The following GNAI2 variants were observed in gnomAD, a reference collection of about 807,000 sequenced individuals.
The protein encoded by GNAI2 is G protein subunit alpha i2.
GNAI2 carries 4 observed loss-of-function variants against 36.8 expected under a neutral mutation model. The ratio of observed to expected loss-of-function variants is 0.11; its 90% CI spans 0.05 to 0.25. GNAI2 has a LOEUF of 0.25. Among genes scored for constraint, GNAI2 ranks in the 10% least tolerant of loss-of-function variants. The pLI is 1.00. For synonymous variants in GNAI2, 194 were observed against 194.1 expected (o/e 1.00, Z 0.01); for missense variants, 230 against 481.3 (o/e 0.48, Z 4.89).
Position 50,255,040 on chromosome 3 carries a change from G to A in GNAI2, c.465-1152G>A, listed in dbSNP as rs745380227. ...ATTGAGGACTCTGGCAGTAGGGGGC[G>A]GGGCATGGTATGCGGGTCACAGCAC... On this transcript the variant is annotated intron_variant, in intron 4 of 8. Coordinates refer to ENST00000313601, the MANE Select transcript of GNAI2 (RefSeq NM_002070.4). This position sits in a 1 kb window ranked among gnomAD's most constrained non-coding sequence, Gnocchi z 4.0. Among the ~76,000 whole-genome samples, 80 of 152,302 alleles carry A rather than the reference G, an allele frequency of 5.3e-4. No individual in the cohort carries two copies. The highest frequency in any genetic ancestry group is 1.0e-3 in the Non-Finnish European group (69 of 68,022).
intron 4 of GNAI2, among the ~76,000 whole-genome samples, chr3:50,254,956 G>A (rs996591025): frequency 6.6e-6 from 1 of 152,194 alleles, no homozygotes; most frequent in Non-Finnish European, 1.5e-5. Context: ...TCCCTGGGGC[G>A]AACCCACCTG....
chr3:50,235,857 C>T (rs1387696018), upstream of GNAI2: 1 of 152,332 alleles, frequency 6.6e-6, no homozygotes, highest in African/African-American at 2.4e-5. Context: ...GGATCCCCAC[C>T]CTCGGGTTAA....
chr3:50,233,755 G>T (rs1031909610), upstream of GNAI2, among the ~76,000 whole-genome samples: 8 of 152,142 alleles, frequency 5.3e-5, no homozygotes, highest in Non-Finnish European at 2.9e-5. Flanking sequence ...CAGGAGGGGG[G>T]CCTGAGGGAG....
Position 50,252,501 on chromosome 3 carries a change from G to A in GNAI2, c.266G>A (p.Gly89Asp), listed in dbSNP as rs782355546. The change falls in exon 3 of 9, where the codon GGC becomes GAC. Residue 89 changes from glycine (G) to aspartate (D), a missense_variant. Gly to Asp is a moderately conservative substitution (Grantham distance 94). This residue lies in a region of GNAI2 where 132 missense variants were observed against 247.4 expected (regional missense o/e 0.53). Transcript: ENST00000313601. The surrounding 1 kb of genome is among the most constrained non-coding windows in gnomAD (Gnocchi z 4.1). ...ATCATGGCCATTGTCAAAGCCATGGGCAACCTGCAGATCGACTTTGCCGAC... is the reference window on the plus strand; with the variant it reads ...ATCATGGCCATTGTCAAAGCCATGGACAACCTGCAGATCGACTTTGCCGAC... Reference protein sequence around the residue: ...QSIMAIVKAMGNLQIDFADPS... With the variant: ...QSIMAIVKAMDNLQIDFADPS... The A allele has an allele frequency of 5.6e-6, 9 of 1,613,214 alleles. No individual in the cohort carries two copies. In the African/African-American group the frequency reaches 1.1e-4, roughly 19 times the overall value.
chr3:50,257,362 C>A, intron 7 of GNAI2, 138 bp from the exon 8 acceptor site: 2 of 654,584 alleles, frequency 3.1e-6, no homozygotes, highest in Non-Finnish European at 5.3e-6. Context: ...TATGGGCAGC[C>A]ACAAACATTG....
Position 50,252,658 on chromosome 3 carries a change from G to A in GNAI2, c.303+120G>A. On this transcript the variant is annotated intron_variant, in intron 3 of 8. Transcript: ENST00000313601. This position sits in a 1 kb window ranked among gnomAD's most constrained non-coding sequence, Gnocchi z 4.1. ...ACGCCGAGGCGGGTGGATCACCTGA[G>A]GTCAGGACCAGCCTGGCCAACTTGG... 1 of 833,436 alleles carries A rather than the reference G, an allele frequency of 1.2e-6. No homozygotes were observed. Among genetic ancestry groups the A allele is most frequent in the Non-Finnish European group, 1.9e-6 (1 of 527,902 alleles). The allele number at this position is 833,436 out of a possible 1,614,324, so 51.6% of individuals were successfully genotyped here. A position where few individuals can be genotyped will look rare whatever the true frequency, so the allele number is the denominator to read the frequency against.
At chr3:50,251,220 C>A in intron 1 of GNAI2, 1 of 296,450 alleles carries the variant, frequency 3.4e-6, no homozygotes, top group Non-Finnish European at 5.0e-6. Context: ...ACCCTCTTGC[C>A]CTTCTGAGTC....
chr3:50,247,711 C>A (rs587619637), intron 1 of GNAI2, among the ~76,000 whole-genome samples: 48 of 152,384 alleles, frequency 3.1e-4, no homozygotes, highest in African/African-American at 1.1e-3. Context: ...TACTGCCTAC[C>A]TGCTGTGGGC....
chr3:50,233,536 T>C (rs1700105466), upstream of GNAI2, among the ~76,000 whole-genome samples: 1 of 152,180 alleles, frequency 6.6e-6, no homozygotes, highest in Non-Finnish European at 1.5e-5. Flanking sequence ...CGTGGACAGA[T>C]TGTATTCTTG....
At position 50,257,698 on chromosome 3, in the gene GNAI2, C is replaced by T. The variant is rs781840587; in HGVS notation, c.*8C>T. On this transcript the variant is annotated 3_prime_UTR_variant, in exon 8 of 9. Transcript: ENST00000313601. ...GACTGCGGCCTCTTCTGAGGGGCAG[C>T]GGGGCCTGGCGGGATGGTGAGCCAG... 9.0e-6 allele frequency: 12 copies of T among 1,339,650 alleles called. No individual in the cohort carries two copies. The highest frequency in any genetic ancestry group is 3.1e-5 in the African/African-American group (2 of 64,752). The allele number at this position is 1,339,650 out of a possible 1,614,324, so 83.0% of individuals were successfully genotyped here. A position where few individuals can be genotyped will look rare whatever the true frequency, so the allele number is the denominator to read the frequency against.
At chr3:50,256,399 TC>T in intron 5 of GNAI2, 79 bp downstream of exon 5, 1 of 1,356,828 alleles carries the variant, frequency 7.4e-7, no homozygotes. Flanking sequence ...TGGTCCAGGA[TC>T]CCCCAGCCCC....
At chr3:50,256,446 G>A in intron 5 of GNAI2, 126 bp downstream of exon 5, 1 of 898,018 alleles carries the variant, frequency 1.1e-6, no homozygotes, top group Non-Finnish European at 1.8e-6. Flanking sequence ...TTCTGGGCAA[G>A]CACATCCTCA....
At position 50,236,206 on chromosome 3, in the gene GNAI2, T is replaced by G; in HGVS notation, c.-130T>G. 1 of 1,180,350 alleles carries G rather than the reference T, an allele frequency of 8.5e-7. No homozygotes were observed. Among genetic ancestry groups the G allele is most frequent in the Non-Finnish European group, 1.0e-6 (1 of 955,564 alleles). The allele number at this position is 1,180,350 out of a possible 1,614,324, so 73.1% of individuals were successfully genotyped here. A position where few individuals can be genotyped will look rare whatever the true frequency, so the allele number is the denominator to read the frequency against. On this transcript the variant is annotated 5_prime_UTR_variant, in exon 1 of 9. Transcript: ENST00000313601. The surrounding 1 kb of genome is among the most constrained non-coding windows in gnomAD (Gnocchi z 4.0). ...GCGGTAGGGAAGGCGCCTCCCGCAG[T>G]CGCTCGGAACTGCCGACCCGAGTGC...
upstream of GNAI2, chr3:50,227,323 G>A: frequency 2.2e-6 from 1 of 460,558 alleles, no homozygotes; most frequent in East Asian, 3.5e-5. The surrounding 1 kb of genome is among the most constrained non-coding windows in gnomAD (Gnocchi z 5.9). Context: ...GCGGAGACCG[G>A]GCCTCGACGG....
upstream of GNAI2, chr3:50,229,687 C>T (rs1700040870): frequency 1.3e-5 from 2 of 152,422 alleles, no homozygotes; most frequent in African/African-American, 4.8e-5. Context: ...CCTCTGTCGT[C>T]ACTCTCTTCT....
intron 5 of GNAI2, 54 bp from the exon 6 acceptor site, chr3:50,256,669 T>C (rs2109219794): frequency 6.3e-7 from 1 of 1,592,590 alleles, no homozygotes; most frequent in Non-Finnish European, 8.6e-7. Context: ...AGAAATGGGG[T>C]AGAAAGCCTC....
At position 50,242,917 on chromosome 3, in the gene GNAI2, CG is replaced by C. The variant is rs1207568921; in HGVS notation, c.118+6467del. 6.6e-6 allele frequency among the ~76,000 whole-genome samples: 1 copy of C among 152,064 alleles called. No individual in the cohort carries two copies. Among genetic ancestry groups the C allele is most frequent in the Non-Finnish European group, 1.5e-5 (1 of 68,014 alleles). On this transcript the variant is annotated intron_variant, in intron 1 of 8. Coordinates refer to ENST00000313601, the MANE Select transcript of GNAI2 (RefSeq NM_002070.4). This position sits in a 1 kb window ranked among gnomAD's most constrained non-coding sequence, Gnocchi z 4.8. Reference sequence around the variant, plus strand: ...CAGCACCTACTGTGTGTGCCCCCGGCGGGAGGAGGAGGTAATGAAGTCTGCA... The same window carrying C: ...CAGCACCTACTGTGTGTGCCCCCGGCGGAGGAGGAGGTAATGAAGTCTGCA...
rs1291348409 is a variant in GNAI2, at chr3:50,253,625, TC to T, written c.464+444del. ...CGGGCGTGGTGGAGGGCGCCTGTAG[TC>T]CCAGCTACTCAGGAGGCTGAGGCAG... On this transcript the variant is annotated intron_variant, in intron 4 of 8. Transcript: ENST00000313601. This position sits in a 1 kb window ranked among gnomAD's most constrained non-coding sequence, Gnocchi z 4.2. Among the ~76,000 whole-genome samples, 2 of 152,154 alleles carry T rather than the reference TC, an allele frequency of 1.3e-5. No homozygotes were observed. Among genetic ancestry groups the T allele is most frequent in the African/African-American group, 4.8e-5 (2 of 41,436 alleles).
At position 50,241,134 on chromosome 3, in the gene GNAI2, G is replaced by T. The variant is rs1383698889; in HGVS notation, c.118+4681G>T. Among the ~76,000 whole-genome samples, 1 of 152,080 alleles carries T rather than the reference G, an allele frequency of 6.6e-6. No homozygotes were observed. The highest frequency in any genetic ancestry group is 2.4e-5 in the African/African-American group (1 of 41,404). ...AGCAGGAGTGACAGACTGCCCTGGG[G>T]ACCTTAGGCCCAACCTCTGGGGGTC... On this transcript the variant is annotated intron_variant, in intron 1 of 8. Coordinates refer to ENST00000313601, the MANE Select transcript of GNAI2 (RefSeq NM_002070.4). This position sits in a 1 kb window ranked among gnomAD's most constrained non-coding sequence, Gnocchi z 5.0.
Sources: allele counts gnomAD v4.1 joint callset (sites outside exome capture counted in the v4.1 genomes callset), GRCh38; gene constraint gnomAD v4.1.1; regional missense constraint gnomAD v4.1.1; non-coding constraint Gnocchi (gnomAD v3.1); transcripts MANE v1.5; gene names NCBI Gene and HGNC (gene_info 2026-07-23, HGNC 2026-07-21).